ARHGAP1: variants seen among roughly 807,000 people sequenced by gnomAD.
The protein encoded by ARHGAP1 is rho GTPase-activating protein 1.
A neutral mutation model predicts 52.2 loss-of-function variants in ARHGAP1; 23 were observed. The observed-to-expected ratio is 0.44, with a 90% CI of 0.32 to 0.62. ARHGAP1 has a LOEUF of 0.62. Among genes scored for constraint, ARHGAP1 ranks in the 20% least tolerant of loss-of-function variants. ARHGAP1 has a pLI of 0.05. For synonymous variants in ARHGAP1, 210 were observed against 228.4 expected (o/e 0.92, Z 0.73); for missense variants, 480 against 560.9 (o/e 0.86, Z 1.46).
Position 46,681,904 on chromosome 11 carries a change from G to C in ARHGAP1, c.449+147C>G, listed in dbSNP as rs2064531614. On this transcript the variant is annotated intron_variant, in intron 5 of 12. Transcript: ENST00000311956. The surrounding 1 kb of genome is among the most constrained non-coding windows in gnomAD (Gnocchi z 5.7). Reference sequence around the variant, plus strand: ...GCCTTACTTAAGCCCAGGGTGATCTGACTGCAGATTCTTTACATTGACGTA... The same window carrying C: ...GCCTTACTTAAGCCCAGGGTGATCTCACTGCAGATTCTTTACATTGACGTA... The C allele has an allele frequency of 3.5e-6, 4 of 1,136,414 alleles. No individual in the cohort carries two copies. Among genetic ancestry groups the C allele is most frequent in the Non-Finnish European group, 4.9e-6 (4 of 811,504 alleles). The allele number at this position is 1,136,414 out of a possible 1,614,324, so 70.4% of individuals were successfully genotyped here. A position where few individuals can be genotyped will look rare whatever the true frequency, so the allele number is the denominator to read the frequency against.
intron 1 of ARHGAP1, among the ~76,000 whole-genome samples, chr11:46,697,812 C>A (rs2064667460): frequency 6.6e-6 from 1 of 152,208 alleles, no homozygotes; most frequent in African/African-American, 2.4e-5. Flanking sequence ...GAATGCATTT[C>A]TCTGAGTGAT....
chr11:46,695,715 C>G lies in ARHGAP1; in HGVS notation c.174G>C (p.Leu58=). The G allele has an allele frequency of 6.4e-7, 1 of 1,552,172 alleles. No homozygotes were observed. Among genetic ancestry groups the G allele is most frequent in the Non-Finnish European group, 8.7e-7 (1 of 1,147,142 alleles). The change falls in exon 3 of 13, where the codon CTG becomes CTC. Residue 58 remains leucine, a synonymous_variant. Transcript: ENST00000311956. ...KSSSPELVTH[L]KWDDPYYDIA... ...TGTCATAGTATGGGTCATCCCACTT[C>G]AGGTGTGTGACAAGTTCCGGGGAGC... is the stretch of plus-strand genomic sequence containing the variant.
Position 46,680,224 on chromosome 11 carries a change from C to T in ARHGAP1, c.879G>A (p.Val293=). 1 of 1,614,174 alleles carries T rather than the reference C, an allele frequency of 6.2e-7. No homozygotes were observed. Among genetic ancestry groups the T allele is most frequent in the Non-Finnish European group, 8.5e-7 (1 of 1,180,042 alleles). The change falls in exon 10 of 13, where the codon GTG becomes GTA. Residue 293 remains valine (V), a synonymous_variant. Coordinates refer to ENST00000311956, the MANE Select transcript of ARHGAP1 (RefSeq NM_004308.5). This position sits in a 1 kb window ranked among gnomAD's most constrained non-coding sequence, Gnocchi z 5.9. ...RSANTQVVRE[V]QQKYNMGLPV... is the part of the protein sequence containing the mutation. Reference sequence around the variant, plus strand: ...GCTCACCCATGTTGTACTTCTGCTGCACTTCCCGGACCACTTGGGTGTTGG... The same window carrying T: ...GCTCACCCATGTTGTACTTCTGCTGTACTTCCCGGACCACTTGGGTGTTGG...
chr11:46,698,572 C>T (rs2064675040), intron 1 of ARHGAP1, among the ~76,000 whole-genome samples: 2 of 148,506 alleles, frequency 1.3e-5, no homozygotes, highest in South Asian at 4.3e-4. Flanking sequence ...CAAGCTACTT[C>T]ACTCCAGCCT....
In ARHGAP1 at chr11:46,694,613, G is replaced by A. The variant is rs2064638793; in HGVS notation, c.229+1047C>T. ...CAGGACAGAGACTCCTTCACATCAG[G>A]TACCCCCCAGACTCCAGTCAAGTTC... On this transcript the variant is annotated intron_variant, in intron 3 of 12. Coordinates refer to ENST00000311956, the MANE Select transcript of ARHGAP1 (RefSeq NM_004308.5). Among the ~76,000 whole-genome samples, 7 of 152,152 alleles carry A rather than the reference G, an allele frequency of 4.6e-5. No homozygotes were observed. In the South Asian group the frequency reaches 1.2e-3, roughly 27 times the overall value.
intron 3 of ARHGAP1, among the ~76,000 whole-genome samples, chr11:46,692,264 C>T (rs1453591250): frequency 2.6e-5 from 4 of 152,198 alleles, no homozygotes; most frequent in Non-Finnish European, 5.9e-5. Context: ...CTTCAGAAAC[C>T]CCAGAGATGC....
At chr11:46,688,561 A>G (rs72912175) in intron 3 of ARHGAP1, among the ~76,000 whole-genome samples, 14,160 of 152,088 alleles carry the variant, frequency 0.093, 825 homozygotes, top group Middle Eastern at 0.18. Flanking sequence ...GGCTCACTGT[A>G]GCCCCAATCT....
intron 3 of ARHGAP1, chr11:46,695,229 A>T: frequency 2.9e-6 from 1 of 344,534 alleles, no homozygotes; most frequent in South Asian, 2.3e-5. Flanking sequence ...CCATTTTTGG[A>T]AAGAGGCTCT....
At chr11:46,689,830 C>T (rs894656969) in intron 3 of ARHGAP1, among the ~76,000 whole-genome samples, 8 of 152,176 alleles carry the variant, frequency 5.3e-5, no homozygotes, top group African/African-American at 9.7e-5. Flanking sequence ...TGAGCCACCA[C>T]GCCCGGCTCT....
In ARHGAP1 at chr11:46,678,995, C is replaced by T; in HGVS notation, c.*42G>A. The T allele has an allele frequency of 6.2e-7, 1 of 1,605,032 alleles. No individual in the cohort carries two copies. Among genetic ancestry groups the T allele is most frequent in the Non-Finnish European group, 8.5e-7 (1 of 1,173,846 alleles). On this transcript the variant is annotated 3_prime_UTR_variant, in exon 13 of 13. Coordinates refer to ENST00000311956, the MANE Select transcript of ARHGAP1 (RefSeq NM_004308.5). The stretch of plus-strand genomic sequence containing the variant: ...CTGATGCCAGGAGGAAGAGTCCAAA[C>T]CCGGGCTACCAGAGAAGGGGCTGGT...
Position 46,682,322 on chromosome 11 carries a change from A to G in ARHGAP1, c.318-140T>C, listed in dbSNP as rs933499555. ...CCCCTAGCACAGTCTGTTCTGGCTC[A>G]TAATCAGTCACCAGGTTGCTGTGGA... On this transcript the variant is annotated intron_variant, in intron 4 of 12. Coordinates refer to ENST00000311956, the MANE Select transcript of ARHGAP1 (RefSeq NM_004308.5). 1.2e-5 allele frequency: 14 copies of G among 1,181,494 alleles called. No individual in the cohort carries two copies. The South Asian group carries it at 1.2e-4, about 10-fold the overall frequency. The allele number at this position is 1,181,494 out of a possible 1,614,324, so 73.2% of individuals were successfully genotyped here. A position where few individuals can be genotyped will look rare whatever the true frequency, so the allele number is the denominator to read the frequency against.
chr11:46,682,588 G>A (rs1319352405), intron 4 of ARHGAP1, among the ~76,000 whole-genome samples: 1 of 152,206 alleles, frequency 6.6e-6, no homozygotes, highest in Non-Finnish European at 1.5e-5. Context: ...GGAGGCTGAG[G>A]CAGGAGAATC....
At position 46,688,161 on chromosome 11, in the gene ARHGAP1, G is replaced by C. The variant is rs1416100140; in HGVS notation, c.317+12C>G. On this transcript the variant is annotated intron_variant, in intron 4 of 12. Coordinates refer to ENST00000311956, the MANE Select transcript of ARHGAP1 (RefSeq NM_004308.5). ...GGGCAAAGCCCCAACACACTTCCCA[G>C]CAGGTACTCACCCCAGGAGCTTGCT... 5.0e-6 allele frequency: 8 copies of C among 1,611,168 alleles called. No homozygotes were observed. The highest frequency in any genetic ancestry group is 6.8e-6 in the Non-Finnish European group (8 of 1,178,056).
At chr11:46,684,851 G>C (rs1167739198) in intron 4 of ARHGAP1, among the ~76,000 whole-genome samples, 1 of 152,112 alleles carries the variant, frequency 6.6e-6, no homozygotes, top group African/African-American at 2.4e-5. Context: ...AATTTGGGAG[G>C]CAGAGACGGG....
intron 1 of ARHGAP1, among the ~76,000 whole-genome samples, chr11:46,700,077 G>A (rs949670055): frequency 6.6e-6 from 1 of 152,132 alleles, no homozygotes; most frequent in Non-Finnish European, 1.5e-5. Context: ...GGCTGAGGCA[G>A]GAGAATCGCT....
rs555577795 is a variant in ARHGAP1, at chr11:46,681,773, T to C, written c.449+278A>G. On this transcript the variant is annotated intron_variant, in intron 5 of 12. Coordinates refer to ENST00000311956, the MANE Select transcript of ARHGAP1 (RefSeq NM_004308.5). The surrounding 1 kb of genome is among the most constrained non-coding windows in gnomAD (Gnocchi z 5.7). Reference sequence around the variant, plus strand: ...CTGATTTGAACATGCATGGCCAGCATGCGAGGTAAGGGCCATCACTGTCTC... The same window carrying C: ...CTGATTTGAACATGCATGGCCAGCACGCGAGGTAAGGGCCATCACTGTCTC... Among the ~76,000 whole-genome samples the C allele has an allele frequency of 2.6e-5, 4 of 152,148 alleles. No homozygotes were observed. Among genetic ancestry groups the C allele is most frequent in the Non-Finnish European group, 5.9e-5 (4 of 68,010 alleles).
intron 4 of ARHGAP1, chr11:46,686,657 G>A (rs2064570812): frequency 6.6e-6 from 1 of 151,774 alleles, no homozygotes; most frequent in African/African-American, 2.4e-5. Context: ...CTGACCTCAT[G>A]ATCCTCCCGC....
At position 46,677,538 on chromosome 11, in the gene ARHGAP1, G is replaced by C. The variant is rs904187232; in HGVS notation, c.*1499C>G. 1 of 177,594 alleles carries C rather than the reference G, an allele frequency of 5.6e-6. No individual in the cohort carries two copies. The highest frequency in any genetic ancestry group is 2.4e-5 in the African/African-American group (1 of 41,678). The allele number at this position is 177,594 out of a possible 1,614,324, so 11.0% of individuals were successfully genotyped here. On this transcript the variant is annotated 3_prime_UTR_variant, in exon 13 of 13. Transcript: ENST00000311956. ...AGGTCATGGGGGCAGGGTCACTGCA[G>C]GTACTTCCCTGTACTCCCCAAGGAC...
In ARHGAP1 at chr11:46,678,042, C is replaced by T; in HGVS notation, c.*995G>A. 1 of 377,790 alleles carries T rather than the reference C, an allele frequency of 2.6e-6. No homozygotes were observed. The highest frequency in any genetic ancestry group is 1.9e-5 in the South Asian group (1 of 53,030). 23.4% of individuals were successfully genotyped at this position (377,790 alleles called of 1,614,324 possible). ...CTGACCTATCAGCACAATCTCTGCC[C>T]CTCCTACGGGCACTCTTAGTCTCTA... On this transcript the variant is annotated 3_prime_UTR_variant, in exon 13 of 13. Transcript: ENST00000311956.
Sources: allele counts gnomAD v4.1 joint callset (sites outside exome capture counted in the v4.1 genomes callset), GRCh38; gene constraint gnomAD v4.1.1; non-coding constraint Gnocchi (gnomAD v3.1); transcripts MANE v1.5; gene names NCBI Gene and HGNC (gene_info 2026-07-23, HGNC 2026-07-21).